LAMA2: variants seen among roughly 807,000 people sequenced by gnomAD.
The protein encoded by LAMA2 is laminin subunit alpha-2.
A neutral mutation model predicts 364.8 loss-of-function variants in LAMA2; 269 were observed. The observed-to-expected ratio is 0.74, with a 90% CI of 0.67 to 0.82. The LOEUF (loss-of-function observed/expected upper bound fraction) is 0.82. LAMA2 is among the 40% of genes least tolerant of loss of function. The pLI, the probability that LAMA2 is intolerant of heterozygous loss-of-function variation, is 0.00. For missense variants in LAMA2, 3,807 were observed against 3,873.2 expected (o/e 0.98, Z 0.45); for synonymous variants, 1,379 against 1,370.6 (o/e 1.01, Z -0.14).
chr6:129,058,714 C>T (rs997495179), intron 2 of LAMA2, among the ~76,000 whole-genome samples: 1 of 152,064 alleles, frequency 6.6e-6, no homozygotes, highest in South Asian at 2.1e-4. Context: ...TCTCTTTTGC[C>T]CTCTGAAGGT....
chr6:129,106,889 T>TAC (rs1562244149), intron 4 of LAMA2, among the ~76,000 whole-genome samples: 28 of 149,352 alleles, frequency 1.9e-4, no homozygotes, highest in African/African-American at 5.4e-4. Flanking sequence ...TATATATATA[T>TAC]ACAATGCCCA....
intron 1 of LAMA2, among the ~76,000 whole-genome samples, chr6:128,963,823 A>G (rs1038456870): frequency 9.2e-5 from 14 of 152,124 alleles, no homozygotes; most frequent in African/African-American, 2.9e-4. Context: ...TTGAAATGCT[A>G]TCTGGGTGAA....
At chr6:129,371,027 A>G (rs918591807) in intron 34 of LAMA2, among the ~76,000 whole-genome samples, 1 of 152,212 alleles carries the variant, frequency 6.6e-6, no homozygotes, top group African/African-American at 2.4e-5. Context: ...TTTCTTGCCA[A>G]ATGTATGTAG....
intron 40 of LAMA2, among the ~76,000 whole-genome samples, chr6:129,408,654 C>A (rs1022403898): frequency 6.6e-6 from 1 of 152,038 alleles, no homozygotes; most frequent in Non-Finnish European, 1.5e-5. Flanking sequence ...GGCTGATCAC[C>A]CTGAGGAAGG....
At chr6:128,920,154 TTTTC>T (rs1287990984) in intron 1 of LAMA2, among the ~76,000 whole-genome samples, 6 of 152,030 alleles carry the variant, frequency 3.9e-5, no homozygotes, top group African/African-American at 1.4e-4. Context: ...TCATGCTCAT[TTTTC>T]TTTTCTTTTT....
At chr6:129,189,852 C>A (rs960021483) in intron 10 of LAMA2, among the ~76,000 whole-genome samples, 1 of 152,106 alleles carries the variant, frequency 6.6e-6, no homozygotes, top group Admixed American at 6.6e-5. Flanking sequence ...AATGAAGTAG[C>A]TCAATAACAG....
chr6:128,910,312 A>G (rs531578371), intron 1 of LAMA2, among the ~76,000 whole-genome samples: 77 of 152,148 alleles, frequency 5.1e-4, no homozygotes, highest in African/African-American at 1.8e-3. Flanking sequence ...ATAGTCCCAT[A>G]TTTCTTGGAG....
intron 43 of LAMA2, among the ~76,000 whole-genome samples, chr6:129,441,914 G>T (rs1782133805): frequency 6.6e-6 from 1 of 151,930 alleles, no homozygotes; most frequent in Non-Finnish European, 1.5e-5. Context: ...ACCCAGAAGG[G>T]TGAGGCTGCA....
intron 3 of LAMA2, among the ~76,000 whole-genome samples, chr6:129,093,410 T>A (rs1774972751): frequency 6.6e-6 from 1 of 151,882 alleles, no homozygotes; most frequent in South Asian, 2.1e-4. Flanking sequence ...CAGGGAAGGG[T>A]CTAGAGTAGC....
At chr6:129,380,851 T>C (rs542229855) in intron 34 of LAMA2, among the ~76,000 whole-genome samples, 1 of 152,284 alleles carries the variant, frequency 6.6e-6, no homozygotes, top group East Asian at 1.9e-4. Context: ...ATATAATCAA[T>C]ACTAAGAATA....
rs577228621 is a variant in LAMA2, at chr6:129,297,858, C to A, written c.3030C>A (p.Gly1010=). The A allele has an allele frequency of 2.7e-5, 44 of 1,613,316 alleles. No individual in the cohort carries two copies. The South Asian group carries it at 4.8e-4, about 18-fold the overall frequency. The stretch of plus-strand genomic sequence containing the variant: ...GCTATTTCAACTTCCAAGAAGGAGG[C>A]TGCACAGGTCTGTAAATATGACTTA... ...AHGYFNFQEG[G]CTACECSHLG... The change falls in exon 21 of 65, where the codon GGC becomes GGA. Residue 1010 remains glycine, a synonymous_variant. Coordinates refer to ENST00000421865, the MANE Select transcript of LAMA2 (RefSeq NM_000426.4).
chr6:128,920,150 T>C (rs1778597943), intron 1 of LAMA2, among the ~76,000 whole-genome samples: 1 of 151,798 alleles, frequency 6.6e-6, no homozygotes, highest in Non-Finnish European at 1.5e-5. Flanking sequence ...ATTTTCATGC[T>C]CATTTTTCTT....
chr6:129,212,275 C>A (rs1015077542), intron 12 of LAMA2, among the ~76,000 whole-genome samples: 1 of 152,032 alleles, frequency 6.6e-6, no homozygotes, highest in Admixed American at 6.6e-5. Context: ...TGGATATTTA[C>A]ATAGAAACAA....
intron 34 of LAMA2, among the ~76,000 whole-genome samples, chr6:129,380,643 C>A (rs9483025): frequency 0.023 from 3,430 of 152,182 alleles, 128 homozygotes; most frequent in African/African-American, 0.079. Context: ...CCAGTCTTTA[C>A]AGGTGTTGAG....
intron 1 of LAMA2, among the ~76,000 whole-genome samples, chr6:128,993,813 A>C (rs1457174493): frequency 2.0e-5 from 3 of 152,206 alleles, no homozygotes; most frequent in Non-Finnish European, 4.4e-5. Flanking sequence ...TATAATTAAT[A>C]TATGCAGAAG....
At chr6:129,089,887 A>T (rs1774711980) in intron 3 of LAMA2, among the ~76,000 whole-genome samples, 1 of 152,190 alleles carries the variant, frequency 6.6e-6, no homozygotes, top group Non-Finnish European at 1.5e-5. Flanking sequence ...GTGAGACCTT[A>T]TGGGCCAACG....
At chr6:129,151,356 G>T (rs1044398586) in intron 7 of LAMA2, among the ~76,000 whole-genome samples, 1 of 152,168 alleles carries the variant, frequency 6.6e-6, no homozygotes, top group African/African-American at 2.4e-5. Context: ...CAGAAGTTTT[G>T]ACTGTTTTTT....
Position 129,044,916 on chromosome 6 carries a change from A to G in LAMA2, c.113-5002A>G, listed in dbSNP as rs373394581. Among the ~76,000 whole-genome samples the G allele has an allele frequency of 1.2e-3, 188 of 152,276 alleles. 6 individuals carry two copies. In the South Asian group the frequency reaches 0.036, roughly 29 times the overall value. On this transcript the variant is annotated intron_variant, in intron 1 of 64. Transcript: ENST00000421865. ...CCAAGTAACACATATTGAATATGGA[A>G]ATAAATATTGCCCTGGTGCTTTTGA...
At chr6:128,905,949 A>G (rs1259571240) in intron 1 of LAMA2, among the ~76,000 whole-genome samples, 1 of 151,768 alleles carries the variant, frequency 6.6e-6, no homozygotes, top group Non-Finnish European at 1.5e-5. Flanking sequence ...CCATGTCCCT[A>G]CAAAGGACAT....
Sources: gnomAD v4.1 joint callset for allele counts (sites outside exome capture counted in the v4.1 genomes callset) on GRCh38, gnomAD v4.1.1 for gene constraint, MANE v1.5 for transcripts, NCBI Gene and HGNC (gene_info 2026-07-23, HGNC 2026-07-21) for gene names.